The following MCTP1 variants were observed in gnomAD, a reference collection of about 807,000 sequenced individuals.
The protein encoded by MCTP1 is multiple C2 and transmembrane domain containing 1.
Under a neutral mutation model 120.6 loss-of-function variants are expected in MCTP1, and 69 were observed. The ratio of observed to expected loss-of-function variants is 0.57; its 90% CI spans 0.47 to 0.70. MCTP1 has a LOEUF of 0.70. Among genes scored for constraint, MCTP1 ranks in the 30% least tolerant of loss-of-function variants. MCTP1 has a pLI of 0.00. For synonymous variants in MCTP1, 529 were observed against 493.1 expected (o/e 1.07, Z -0.96); for missense variants, 1,203 against 1,248.8 (o/e 0.96, Z 0.55).
At chr5:95,255,885 T>C (rs1447501704) in intron 1 of MCTP1, among the ~76,000 whole-genome samples, 1 of 152,048 alleles carries the variant, frequency 6.6e-6, no homozygotes, top group Non-Finnish European at 1.5e-5. Flanking sequence ...ACCTAAGCAA[T>C]CAGTGCATCC....
chr5:94,928,209 A>AACACACACACACACACACACAC (rs60502360), intron 6 of MCTP1, among the ~76,000 whole-genome samples: 2 of 148,436 alleles, frequency 1.3e-5, no homozygotes, highest in Non-Finnish European at 3.0e-5. Context: ...TCTAGGTTAA[A>AACACACACACACACACACACAC]ACACACACAC....
intron 19 of MCTP1, among the ~76,000 whole-genome samples, chr5:94,755,245 G>A (rs1024783041): frequency 6.6e-6 from 1 of 152,072 alleles, no homozygotes; most frequent in African/African-American, 2.4e-5. Context: ...CTTCTTCCCT[G>A]ACCCCTTCCT....
At chr5:95,072,420 T>C (rs1459370202) in intron 1 of MCTP1, among the ~76,000 whole-genome samples, 4 of 152,236 alleles carry the variant, frequency 2.6e-5, no homozygotes, top group African/African-American at 9.7e-5. Flanking sequence ...GTACAAGCTT[T>C]TTCAATTTTT....
At chr5:95,126,654 A>T (rs1170279489) in intron 1 of MCTP1, among the ~76,000 whole-genome samples, 1 of 152,176 alleles carries the variant, frequency 6.6e-6, no homozygotes, top group Non-Finnish European at 1.5e-5. Context: ...ATTTTATTGC[A>T]CTTTGACAAG....
intron 19 of MCTP1, among the ~76,000 whole-genome samples, chr5:94,731,397 G>A (rs1426835553): frequency 1.3e-5 from 2 of 152,092 alleles, no homozygotes; most frequent in Non-Finnish European, 2.9e-5. Context: ...TAAGTGTTTA[G>A]ACTACTGCCT....
chr5:95,085,620 G>A (rs1437190160), intron 1 of MCTP1, among the ~76,000 whole-genome samples: 3 of 151,828 alleles, frequency 2.0e-5, no homozygotes, highest in Admixed American at 6.6e-5. Flanking sequence ...GAATGGAATC[G>A]TGGGGTCATA....
At chr5:94,950,831 G>T (rs1349633466) in intron 3 of MCTP1, among the ~76,000 whole-genome samples, 1 of 151,782 alleles carries the variant, frequency 6.6e-6, no homozygotes, top group Non-Finnish European at 1.5e-5. Context: ...GTGGGCACCT[G>T]CAGTCCCAGC....
intron 1 of MCTP1, among the ~76,000 whole-genome samples, chr5:95,251,472 A>T (rs564858119): frequency 1.5e-4 from 23 of 152,280 alleles, no homozygotes; most frequent in Admixed American, 9.8e-4. Flanking sequence ...GAAAGAAATT[A>T]AGAAAGAATT....
chr5:94,795,347 G>A (rs1403701878), intron 18 of MCTP1, among the ~76,000 whole-genome samples: 1 of 152,154 alleles, frequency 6.6e-6, no homozygotes, highest in Non-Finnish European at 1.5e-5. Flanking sequence ...CTTGGAGGAG[G>A]ACTAAATGAC....
intron 2 of MCTP1, among the ~76,000 whole-genome samples, chr5:94,954,172 A>ATATATATATGCATATATATACATG (rs1821880664): frequency 2.6e-5 from 1 of 38,980 alleles, no homozygotes; most frequent in African/African-American, 1.2e-4. Context: ...ATATATACAT[A>ATATATATATGCATATATATACATG]TATATATATG....
intron 1 of MCTP1, among the ~76,000 whole-genome samples, chr5:95,240,991 A>T (rs1224023222): frequency 6.6e-6 from 1 of 152,094 alleles, no homozygotes; most frequent in East Asian, 1.9e-4. Context: ...AGGATATTTT[A>T]TACTATAAAA....
At chr5:95,079,976 T>C (rs1445362291) in intron 1 of MCTP1, among the ~76,000 whole-genome samples, 3 of 152,008 alleles carry the variant, frequency 2.0e-5, no homozygotes, top group Admixed American at 6.6e-5. Flanking sequence ...TAAAAAAGAG[T>C]ACAGTTATAT....
chr5:94,710,613 A>AGTGTG, intron 21 of MCTP1: 2 of 491,220 alleles, frequency 4.1e-6, no homozygotes, highest in Non-Finnish European at 7.2e-6. Flanking sequence ...GATGAAGCCT[A>AGTGTG]GTGTGCCAGA....
intron 17 of MCTP1, among the ~76,000 whole-genome samples, chr5:94,806,232 CTGTA>C (rs1782252578): frequency 6.6e-6 from 1 of 151,712 alleles, no homozygotes; most frequent in Non-Finnish European, 1.5e-5. Context: ...AGCAAGGTGG[CTGTA>C]AAGGCAAAGA....
At chr5:95,195,814 A>G (rs1750325877) in intron 1 of MCTP1, among the ~76,000 whole-genome samples, 1 of 152,178 alleles carries the variant, frequency 6.6e-6, no homozygotes, top group Non-Finnish European at 1.5e-5. Context: ...TATGTATAGA[A>G]GTAAAAATGA....
chr5:94,777,847 G>C (rs1775709761), intron 19 of MCTP1, among the ~76,000 whole-genome samples: 1 of 151,948 alleles, frequency 6.6e-6, no homozygotes, highest in African/African-American at 2.4e-5. Context: ...ATGACTAAAT[G>C]ATGTACAGAA....
chr5:94,875,123 C>T (rs1798562337), intron 12 of MCTP1, among the ~76,000 whole-genome samples: 1 of 152,002 alleles, frequency 6.6e-6, no homozygotes, highest in Non-Finnish European at 1.5e-5. Flanking sequence ...TTTATAGTAT[C>T]TTAGAAGGTG....
intron 8 of MCTP1, among the ~76,000 whole-genome samples, chr5:94,914,309 C>T (rs1045188356): frequency 5.3e-5 from 8 of 152,236 alleles, no homozygotes; most frequent in Admixed American, 2.0e-4. Flanking sequence ...CTATCTGATC[C>T]GTTCTACGTT....
chr5:94,970,961 C>T (rs771531351), intron 2 of MCTP1, among the ~76,000 whole-genome samples: 1 of 151,754 alleles, frequency 6.6e-6, no homozygotes, highest in Non-Finnish European at 1.5e-5. Flanking sequence ...GTTTTCAGCC[C>T]TTTTCATCTG....
Sources: allele counts gnomAD v4.1 joint callset (sites outside exome capture counted in the v4.1 genomes callset), GRCh38; gene constraint gnomAD v4.1.1; transcripts MANE v1.5; gene names NCBI Gene and HGNC (gene_info 2026-07-23, HGNC 2026-07-21).